SYNE1: variants seen among roughly 807,000 people sequenced by gnomAD.
SYNE1 encodes spectrin repeat containing nuclear envelope protein 1, also known as nesprin-1.
In SYNE1, 616 loss-of-function variants were observed where a neutral mutation model predicts 1,111.0. That is an observed-to-expected ratio of 0.55 (90% CI 0.52 to 0.59). The LOEUF (loss-of-function observed/expected upper bound fraction) is 0.59, where lower values mean the gene tolerates loss of function less well. Ranked by LOEUF, SYNE1 falls within the 20% of genes least tolerant of loss-of-function variation. SYNE1 has a pLI of 0.00. For synonymous variants in SYNE1, 3,855 were observed against 3,825.8 expected (o/e 1.01, Z -0.28); for missense variants, 10,006 against 10,417.0 (o/e 0.96, Z 1.72).
chr6:152,420,680 A>G (rs976459802), intron 39 of SYNE1, among the ~76,000 whole-genome samples: 2 of 152,208 alleles, frequency 1.3e-5, no homozygotes, highest in Non-Finnish European at 2.9e-5. Flanking sequence ...CTAACCCAAC[A>G]TTAAGCAGAA....
chr6:152,381,236 G>GC lies in SYNE1; in HGVS notation c.8778dup (p.Arg2927AlafsTer67). The GC allele has an allele frequency of 6.2e-7, 1 of 1,614,200 alleles. No homozygotes were observed. The highest frequency in any genetic ancestry group is 8.5e-7 in the Non-Finnish European group (1 of 1,180,040). Reference sequence around the variant, plus strand: ...TCTTCCCACTGCTTCCAGTCGGCACGCAGGGCCTGCATCTCCGTGTGCATG... The same window carrying GC: ...TCTTCCCACTGCTTCCAGTCGGCACGCCAGGGCCTGCATCTCCGTGTGCATG... On this transcript the variant is annotated frameshift_variant, in exon 56 of 146. Coordinates refer to ENST00000367255, the MANE Select transcript of SYNE1 (RefSeq NM_182961.4). LOFTEE classifies it high-confidence loss of function.
intron 95 of SYNE1, 101 bp downstream of exon 95, chr6:152,293,487 A>C: frequency 7.1e-7 from 1 of 1,411,734 alleles, no homozygotes; most frequent in Non-Finnish European, 1.0e-6. Context: ...AAAATTTTTA[A>C]AAAGTCACCT....
At chr6:152,347,364 A>T in intron 72 of SYNE1, 129 bp from the exon 73 acceptor site, 1 of 1,099,858 alleles carries the variant, frequency 9.1e-7, no homozygotes, top group Non-Finnish European at 1.3e-6. Flanking sequence ...TACCTTAGTT[A>T]TATATTAAAT....
chr6:152,248,772 A>T (rs1054160185), intron 105 of SYNE1, among the ~76,000 whole-genome samples: 1 of 152,054 alleles, frequency 6.6e-6, no homozygotes, highest in African/African-American at 2.4e-5. Context: ...ATTTCCCTCT[A>T]CAAAGCTTCC....
At chr6:152,626,362 C>T (rs1415314381) in intron 3 of SYNE1, among the ~76,000 whole-genome samples, 1 of 152,190 alleles carries the variant, frequency 6.6e-6, no homozygotes, top group Non-Finnish European at 1.5e-5. Flanking sequence ...ATCTTCCCCA[C>T]ACTTTTGTAA....
chr6:152,503,533 A>G (rs1336672276), intron 9 of SYNE1, among the ~76,000 whole-genome samples: 1 of 152,212 alleles, frequency 6.6e-6, no homozygotes, highest in Non-Finnish European at 1.5e-5. Flanking sequence ...TTAAATATCA[A>G]TTTTAAAGGC....
intron 131 of SYNE1, 41 bp downstream of exon 131, chr6:152,164,122 A>G: frequency 6.2e-7 from 1 of 1,613,062 alleles, no homozygotes; most frequent in Non-Finnish European, 8.5e-7. Context: ...GAGGACAGAT[A>G]TTCCATGGCT....
rs747609367 is a variant in SYNE1, at chr6:152,472,345, G to T, written c.1419C>A (p.Asn473Lys). The stretch of plus-strand genomic sequence containing the variant: ...ATTGATCAGGTGGCACTGGAATCCC[G>T]TTAACAGACCTGGTCCGGTAGATTT... ...FHEIYRTRSV[N>K]GIPVPPDQLE... The change falls in exon 15 of 146, where the codon AAC becomes AAA. Residue 473 changes from asparagine to lysine, a missense_variant. By Grantham distance (94) the Asn-to-Lys change is moderately conservative (BLOSUM62 0). Coordinates refer to ENST00000367255, the MANE Select transcript of SYNE1 (RefSeq NM_182961.4). The T allele has an allele frequency of 1.9e-6, 3 of 1,613,828 alleles. No individual in the cohort carries two copies. In the African/African-American group the frequency reaches 4.0e-5, roughly 22 times the overall value.
At position 152,225,845 on chromosome 6, in the gene SYNE1, T is replaced by A. The variant is rs767199115; in HGVS notation, c.21227A>T (p.Lys7076Ile). 1 of 1,613,848 alleles carries A rather than the reference T, an allele frequency of 6.2e-7. No individual in the cohort carries two copies. The highest frequency in any genetic ancestry group is 8.5e-7 in the Non-Finnish European group (1 of 1,179,978). Residue 7076 changes from lysine (K) to isoleucine (I), a missense_variant, in exon 116 of 146, where the codon AAA (lysine) becomes ATA (isoleucine). By Grantham distance (102) the Lys-to-Ile change is moderately radical (BLOSUM62 -3). Transcript: ENST00000367255. The part of the protein sequence containing the change: ...DLEDLIKAKE[K>I]EVEKIEQNGL... ...ATTCTGCTCAATTTTCTCTACTTCT[T>A]TTTCTTTTGCTTTAATCAAATCTTC...
At position 152,398,674 on chromosome 6, in the gene SYNE1, G is replaced by C; in HGVS notation, c.7295C>G (p.Ser2432Ter). Residue 2432 changes from serine (S) to a stop codon, truncating the protein, a stop_gained, in exon 49 of 146, where the codon TCA becomes TGA. Transcript: ENST00000367255. LOFTEE classifies it high-confidence loss of function. The part of the protein sequence containing the change: ...FLGAKAAAKE[S>*]SDRTGDSKVL... Reference sequence around the variant, plus strand: ...TTTGCTGTCACCGGTGCGATCTGATGATTCTTTTGCTGCTGCCTTTGCTCC... The same window carrying C: ...TTTGCTGTCACCGGTGCGATCTGATCATTCTTTTGCTGCTGCCTTTGCTCC... The C allele has an allele frequency of 1.2e-6, 2 of 1,613,972 alleles. No individual in the cohort carries two copies. The highest frequency in any genetic ancestry group is 1.7e-6 in the Non-Finnish European group (2 of 1,179,906).
intron 4 of SYNE1, among the ~76,000 whole-genome samples, chr6:152,530,067 C>T (rs995827017): frequency 1.3e-5 from 2 of 152,176 alleles, no homozygotes; most frequent in Non-Finnish European, 2.9e-5. Context: ...TAGAAAACCA[C>T]ACTACTGGGG....
chr6:152,628,577 T>C (rs902633504), intron 2 of SYNE1, 23 bp from the exon 3 acceptor site: 6 of 528,194 alleles, frequency 1.1e-5, no homozygotes, highest in Admixed American at 6.5e-5. Flanking sequence ...AAAGAAAAGG[T>C]ACAACATAAA....
chr6:152,242,567 G>A (rs2153564439), intron 106 of SYNE1, 127 bp from the exon 107 acceptor site: 2 of 926,492 alleles, frequency 2.2e-6, no homozygotes, highest in East Asian at 2.6e-5. Context: ...TGTGCCTCCT[G>A]GAAACGCTCT....
At chr6:152,229,126 G>A (rs1211034960) in intron 115 of SYNE1, among the ~76,000 whole-genome samples, 1 of 152,124 alleles carries the variant, frequency 6.6e-6, no homozygotes, top group Non-Finnish European at 1.5e-5. Flanking sequence ...ATGATTGGAA[G>A]AGAGATCATT....
chr6:152,173,433 T>C (rs2065683821), intron 130 of SYNE1, among the ~76,000 whole-genome samples: 1 of 152,234 alleles, frequency 6.6e-6, no homozygotes, highest in Non-Finnish European at 1.5e-5. Context: ...AGGCATACAC[T>C]GGGTTATATT....
intron 63 of SYNE1, among the ~76,000 whole-genome samples, chr6:152,363,310 C>T (rs901627005): frequency 7.4e-5 from 11 of 148,724 alleles, no homozygotes; most frequent in Non-Finnish European, 1.3e-4. Context: ...CTGGCTAACA[C>T]AGTGAAACCC....
chr6:152,230,917 C>T (rs550705497), intron 114 of SYNE1, among the ~76,000 whole-genome samples: 19 of 151,458 alleles, frequency 1.3e-4, no homozygotes, highest in African/African-American at 3.4e-4. Flanking sequence ...ATAAAATAAA[C>T]GAACACTAAC....
At chr6:152,520,214 G>C (rs1342798464) in intron 6 of SYNE1, among the ~76,000 whole-genome samples, 1 of 152,100 alleles carries the variant, frequency 6.6e-6, no homozygotes, top group Admixed American at 6.6e-5. Context: ...TCCTTACTTT[G>C]ATAATTGTAT....
intron 104 of SYNE1, among the ~76,000 whole-genome samples, chr6:152,253,096 G>T (rs1479559086): frequency 6.6e-6 from 1 of 152,080 alleles, no homozygotes; most frequent in East Asian, 1.9e-4. Context: ...ACTGACTCAG[G>T]GACAAGACTG....
Sources: gnomAD v4.1 joint callset for allele counts (sites outside exome capture counted in the v4.1 genomes callset) on GRCh38, gnomAD v4.1.1 for gene constraint, MANE v1.5 for transcripts, NCBI Gene and HGNC (gene_info 2026-07-23, HGNC 2026-07-21) for gene names.